Variants in UVRAG observed in about 807,000 individuals in gnomAD.
UVRAG encodes UV radiation resistance-associated gene protein.
In UVRAG, 19 loss-of-function variants were observed where a neutral mutation model predicts 78.0. That is an observed-to-expected ratio of 0.24 (90% CI 0.17 to 0.36). The LOEUF (loss-of-function observed/expected upper bound fraction) is 0.36. Ranked by LOEUF, UVRAG falls within the 10% of genes least tolerant of loss-of-function variation. The pLI, the probability that UVRAG is intolerant of heterozygous loss-of-function variation, is 1.00. For synonymous variants in UVRAG, 323 were observed against 324.6 expected (o/e 1.00, Z 0.05); for missense variants, 740 against 853.8 (o/e 0.87, Z 1.66).
At chr11:75,825,858 T>C (rs1466727177) in intron 1 of UVRAG, among the ~76,000 whole-genome samples, 2 of 151,786 alleles carry the variant, frequency 1.3e-5, no homozygotes, top group Admixed American at 1.3e-4. Context: ...TTTTTTGAGA[T>C]GGAGTTTTGC....
intron 5 of UVRAG, among the ~76,000 whole-genome samples, chr11:75,900,702 T>C (rs1487148377): frequency 6.6e-6 from 1 of 152,210 alleles, no homozygotes; most frequent in Non-Finnish European, 1.5e-5. Flanking sequence ...TTGAAGGCAC[T>C]TAGTCCACTT....
Position 75,869,114 on chromosome 11 carries a change from C to T in UVRAG, c.270+7334C>T, listed in dbSNP as rs537623149. Among the ~76,000 whole-genome samples the T allele has an allele frequency of 7.2e-5, 11 of 152,302 alleles. No homozygotes were observed. The South Asian group carries it at 1.7e-3, about 23-fold the overall frequency. Reference sequence around the variant, plus strand: ...AGGCTGAGGAACTTGATCTAGGTCACACCGCTAATAACTAGTAAAACCAGT... The same window carrying T: ...AGGCTGAGGAACTTGATCTAGGTCATACCGCTAATAACTAGTAAAACCAGT... On this transcript the variant is annotated intron_variant, in intron 3 of 14. Transcript: ENST00000356136.
chr11:76,113,326 G>A (rs1045616400), intron 13 of UVRAG, among the ~76,000 whole-genome samples: 1 of 151,948 alleles, frequency 6.6e-6, no homozygotes, highest in African/African-American at 2.4e-5. Flanking sequence ...ATGGGAAAGG[G>A]GATAAAGTGT....
At chr11:75,861,611 TAG>T (rs761367125) in intron 2 of UVRAG, 133 bp from the exon 3 acceptor site, 3 of 590,260 alleles carry the variant, frequency 5.1e-6, no homozygotes, top group African/African-American at 3.8e-5. Context: ...GATAAAGATA[TAG>T]AGAGAATAAA....
At chr11:76,006,741 T>A (rs899937375) in intron 9 of UVRAG, among the ~76,000 whole-genome samples, 12 of 152,040 alleles carry the variant, frequency 7.9e-5, no homozygotes, top group Non-Finnish European at 7.4e-5. Flanking sequence ...TTTTTACTTT[T>A]TTTCTTACAG....
At chr11:75,961,376 T>C (rs1948907384) in intron 6 of UVRAG, 68 bp from the exon 7 acceptor site, 1 of 1,277,500 alleles carries the variant, frequency 7.8e-7, no homozygotes, top group Non-Finnish European at 1.1e-6. Context: ...GTTTGTCATT[T>C]ATATCTGAGG....
chr11:76,124,738 T>C (rs1397384773), intron 14 of UVRAG, among the ~76,000 whole-genome samples: 3 of 152,260 alleles, frequency 2.0e-5, no homozygotes, highest in African/African-American at 7.2e-5. Context: ...CAGATAGTCC[T>C]TCTGCTGACC....
intron 14 of UVRAG, among the ~76,000 whole-genome samples, chr11:76,122,133 T>C (rs914997681): frequency 6.6e-6 from 1 of 152,160 alleles, no homozygotes; most frequent in Non-Finnish European, 1.5e-5. Context: ...CAACATGTAC[T>C]GAAAAAAGTA....
intron 12 of UVRAG, among the ~76,000 whole-genome samples, chr11:76,056,820 G>A: frequency 6.6e-6 from 1 of 152,036 alleles, no homozygotes; most frequent in East Asian, 1.9e-4. Context: ...AGTACCCCTG[G>A]CCACTCTTAG....
intron 7 of UVRAG, among the ~76,000 whole-genome samples, chr11:75,964,539 T>A (rs1377934177): frequency 3.3e-5 from 5 of 152,254 alleles, no homozygotes; most frequent in Non-Finnish European, 7.3e-5. Context: ...TTTTCTCTTT[T>A]TGTTCTAAAT....
At chr11:76,136,509 C>CT (rs200388478) in intron 14 of UVRAG, among the ~76,000 whole-genome samples, 8,456 of 136,090 alleles carry the variant, frequency 0.062, 369 homozygotes, top group East Asian at 0.2. Flanking sequence ...TTCTTGTTTC[C>CT]TTTTTTTTTT....
intron 14 of UVRAG, among the ~76,000 whole-genome samples, chr11:76,126,612 A>T (rs1654286456): frequency 6.6e-6 from 1 of 152,176 alleles, no homozygotes; most frequent in Non-Finnish European, 1.5e-5. Flanking sequence ...GTATTTCATC[A>T]TTTAGATTTA....
intron 13 of UVRAG, among the ~76,000 whole-genome samples, chr11:76,110,191 G>A (rs1952044716): frequency 7.3e-6 from 1 of 136,720 alleles, no homozygotes; most frequent in Non-Finnish European, 1.5e-5. Flanking sequence ...ATAATGTGGA[G>A]AATATATATA....
intron 6 of UVRAG, among the ~76,000 whole-genome samples, chr11:75,951,761 C>A (rs182692375): frequency 2.7e-4 from 41 of 152,264 alleles, no homozygotes; most frequent in Admixed American, 1.2e-3. Context: ...TATGATAGGT[C>A]ATAAAATCTA....
intron 2 of UVRAG, among the ~76,000 whole-genome samples, chr11:75,858,396 A>C (rs192038397): frequency 6.6e-6 from 1 of 152,224 alleles, no homozygotes; most frequent in Admixed American, 6.5e-5. Flanking sequence ...TGCATTTTTC[A>C]CTTACTGTCT....
At chr11:76,127,773 A>G (rs35688819) in intron 14 of UVRAG, among the ~76,000 whole-genome samples, 10,001 of 152,200 alleles carry the variant, frequency 0.066, 580 homozygotes, top group African/African-American at 0.16. Flanking sequence ...CCTGACCAAC[A>G]TGGTGAAACC....
At chr11:75,872,640 G>C (rs940413090) in intron 3 of UVRAG, among the ~76,000 whole-genome samples, 3 of 152,060 alleles carry the variant, frequency 2.0e-5, no homozygotes, top group Non-Finnish European at 2.9e-5. Context: ...GCCTGCCTCA[G>C]CCTCCCAAAG....
At chr11:76,085,566 A>G (rs1282408192) in intron 13 of UVRAG, among the ~76,000 whole-genome samples, 2 of 152,202 alleles carry the variant, frequency 1.3e-5, no homozygotes, top group African/African-American at 2.4e-5. Flanking sequence ...ATTTATTTAT[A>G]TTCTCTCACT....
chr11:76,094,235 T>G (rs1043284612), intron 13 of UVRAG, among the ~76,000 whole-genome samples: 1 of 152,196 alleles, frequency 6.6e-6, no homozygotes, highest in Non-Finnish European at 1.5e-5. Flanking sequence ...ATAAGCTTTT[T>G]GATGTGCTGC....
Sources: allele counts gnomAD v4.1 joint callset (sites outside exome capture counted in the v4.1 genomes callset), GRCh38; gene constraint gnomAD v4.1.1; transcripts MANE v1.5; gene names NCBI Gene and HGNC (gene_info 2026-07-23, HGNC 2026-07-21).